ZSWIM6: variants seen among roughly 807,000 people sequenced by gnomAD.
ZSWIM6 encodes zinc finger SWIM domain-containing protein 6.
ZSWIM6 carries 9 observed loss-of-function variants against 113.2 expected under a neutral mutation model. The ratio of observed to expected loss-of-function variants is 0.08; its 90% CI spans 0.05 to 0.14. The LOEUF (loss-of-function observed/expected upper bound fraction) is 0.14, where lower values mean the gene tolerates loss of function less well. ZSWIM6 is among the 10% of genes least tolerant of loss of function. The pLI is 1.00. For synonymous variants in ZSWIM6, 611 were observed against 606.5 expected (o/e 1.01, Z -0.11); for missense variants, 1,162 against 1,552.2 (o/e 0.75, Z 4.22).
chr5:61,391,109 C>T, intron 1 of ZSWIM6: 1 of 750,454 alleles, frequency 1.3e-6, no homozygotes, highest in Non-Finnish European at 2.5e-6. Flanking sequence ...TGCTGTGTCC[C>T]AGTACAGGCC....
intron 1 of ZSWIM6, among the ~76,000 whole-genome samples, chr5:61,442,330 G>A (rs77438872): frequency 0.013 from 1,999 of 152,072 alleles, 23 homozygotes; most frequent in African/African-American, 0.03. Flanking sequence ...GGCCAGTTTC[G>A]GTCCCACCCT....
Position 61,525,939 on chromosome 5 carries a change from C to T in ZSWIM6, c.1653C>T (p.Asn551=). 2 of 1,552,194 alleles carry T rather than the reference C, an allele frequency of 1.3e-6. No individual in the cohort carries two copies. Among genetic ancestry groups the T allele is most frequent in the South Asian group, 1.2e-5 (1 of 84,056 alleles). The change falls in exon 6 of 14, where the codon AAC becomes AAT. Residue 551 remains asparagine (N), a synonymous_variant. Transcript: ENST00000252744. ...ACTGTTACCATGACGACACTGAAAACTCCCTCTTCGACTCCCGCGGGTGGC... is the reference window on the plus strand; with the variant it reads ...ACTGTTACCATGACGACACTGAAAATTCCCTCTTCGACTCCCGCGGGTGGC... The part of the protein sequence containing the change: ...TNYCYHDDTE[N]SLFDSRGWPL...
At chr5:61,349,382 A>G (rs919689678) in intron 1 of ZSWIM6, among the ~76,000 whole-genome samples, 3 of 152,226 alleles carry the variant, frequency 2.0e-5, no homozygotes, top group Non-Finnish European at 4.4e-5. Flanking sequence ...TGATAGCCTT[A>G]GAGTATATGC....
At chr5:61,395,898 T>C (rs1479805017) in intron 1 of ZSWIM6, among the ~76,000 whole-genome samples, 2 of 152,126 alleles carry the variant, frequency 1.3e-5, no homozygotes, top group Non-Finnish European at 2.9e-5. Flanking sequence ...TTGAATACTT[T>C]ATTAAGCTCT....
intron 7 of ZSWIM6, among the ~76,000 whole-genome samples, chr5:61,526,822 T>C (rs1749298289): frequency 6.6e-6 from 1 of 152,202 alleles, no homozygotes; most frequent in Non-Finnish European, 1.5e-5. Flanking sequence ...TCTCTGTGAT[T>C]TTGAATTCTC....
chr5:61,455,836 C>G (rs563352269), intron 1 of ZSWIM6, among the ~76,000 whole-genome samples: 1,504 of 150,040 alleles, frequency 0.01, 19 homozygotes, highest in Non-Finnish European at 0.017. Context: ...GCCCCCGCCC[C>G]CACTGTTAAC....
At chr5:61,429,112 G>T (rs577005733) in intron 1 of ZSWIM6, among the ~76,000 whole-genome samples, 1 of 152,288 alleles carries the variant, frequency 6.6e-6, no homozygotes, top group East Asian at 1.9e-4. Context: ...TCTGTGTGTT[G>T]GGGGGACAGT....
intron 1 of ZSWIM6, among the ~76,000 whole-genome samples, chr5:61,396,520 ACT>A (rs1233827350): frequency 2.8e-5 from 4 of 140,866 alleles, no homozygotes; most frequent in Non-Finnish European, 4.6e-5. Context: ...ACAGAGTGAG[ACT>A]CTGTCTCAAA....
chr5:61,348,457 C>G (rs999416422), intron 1 of ZSWIM6, among the ~76,000 whole-genome samples: 1 of 152,066 alleles, frequency 6.6e-6, no homozygotes, highest in Non-Finnish European at 1.5e-5. Context: ...CTTTTCACAT[C>G]TAGATTTTCC....
chr5:61,391,088 C>T (rs1579971076), intron 1 of ZSWIM6: 3 of 740,840 alleles, frequency 4.0e-6, no homozygotes, highest in East Asian at 4.9e-5. Flanking sequence ...GGTAAGGCCA[C>T]AGGGGCAGGA....
chr5:61,380,739 T>C (rs1259426553), intron 1 of ZSWIM6, among the ~76,000 whole-genome samples: 1 of 152,182 alleles, frequency 6.6e-6, no homozygotes, highest in East Asian at 1.9e-4. Context: ...CACTGTTGAC[T>C]TTTGCTCTCT....
At chr5:61,336,528 T>G (rs1744400492) in intron 1 of ZSWIM6, among the ~76,000 whole-genome samples, 1 of 151,876 alleles carries the variant, frequency 6.6e-6, no homozygotes, top group Non-Finnish European at 1.5e-5. Context: ...GAGGCTGAGG[T>G]GGGTGGATCA....
rs116212366 is a variant in ZSWIM6 at position 61,364,727 on chromosome 5, G to A, written c.676+31779G>A. ...TTCGTAGATGACACCTTCTTGTTCTGACCTCACATGATGGGAAGAATGAGG... is the reference window on the plus strand; with the variant it reads ...TTCGTAGATGACACCTTCTTGTTCTAACCTCACATGATGGGAAGAATGAGG... On this transcript the variant is annotated intron_variant, in intron 1 of 13. Coordinates refer to ENST00000252744, the MANE Select transcript of ZSWIM6 (RefSeq NM_020928.2). Among the ~76,000 whole-genome samples the A allele has an allele frequency of 3.3e-3, 496 of 152,188 alleles. 1 individual carries two copies. Among genetic ancestry groups the A allele is most frequent in the Admixed American group, 5.4e-3 (82 of 15,290 alleles).
At chr5:61,535,995 A>G (rs1749562293) in intron 10 of ZSWIM6, among the ~76,000 whole-genome samples, 1 of 152,258 alleles carries the variant, frequency 6.6e-6, no homozygotes, top group Non-Finnish European at 1.5e-5. Context: ...TGGCTTGAAT[A>G]TAATTGAGGG....
chr5:61,387,549 C>T (rs181820323), intron 1 of ZSWIM6, among the ~76,000 whole-genome samples: 2 of 151,914 alleles, frequency 1.3e-5, no homozygotes, highest in East Asian at 3.9e-4. Context: ...ACCTGTGGTC[C>T]CAGTTACTTG....
rs528115352 is a variant in ZSWIM6, at chr5:61,366,798, G to A, written c.676+33850G>A. On this transcript the variant is annotated intron_variant, in intron 1 of 13. Coordinates refer to ENST00000252744, the MANE Select transcript of ZSWIM6 (RefSeq NM_020928.2). ...ACAAAAATTAACCAGACGTGATGGC[G>A]CACACCTGTAGTCCCAGCTACTTGG... 8.5e-5 allele frequency among the ~76,000 whole-genome samples: 13 copies of A among 152,086 alleles called. No homozygotes were observed. The South Asian group carries it at 1.5e-3, about 17-fold the overall frequency.
intron 2 of ZSWIM6, among the ~76,000 whole-genome samples, chr5:61,473,894 T>C (rs13170262): frequency 0.39 from 58,913 of 152,060 alleles, 11,559 homozygotes; most frequent in South Asian, 0.45. Context: ...AGGTTTTCTT[T>C]AGTGGTTAGT....
chr5:61,373,599 T>C (rs1182997125), intron 1 of ZSWIM6, among the ~76,000 whole-genome samples: 1 of 152,160 alleles, frequency 6.6e-6, no homozygotes, highest in Non-Finnish European at 1.5e-5. Flanking sequence ...CTTGTCACTG[T>C]GCAAATAAAC....
chr5:61,520,633 C>CT (rs979833842), intron 4 of ZSWIM6, among the ~76,000 whole-genome samples: 73 of 151,744 alleles, frequency 4.8e-4, no homozygotes, highest in African/African-American at 1.6e-3. Context: ...ATTTTACTGG[C>CT]TTTTTTTTGC....
Sources: gnomAD v4.1 joint callset for allele counts (sites outside exome capture counted in the v4.1 genomes callset) on GRCh38, gnomAD v4.1.1 for gene constraint, MANE v1.5 for transcripts, NCBI Gene and HGNC (gene_info 2026-07-23, HGNC 2026-07-21) for gene names.